The following CRACDL variants were observed in gnomAD, a reference collection of about 807,000 sequenced individuals.
CRACDL encodes the protein CRACD like, also known as CRACD-like protein.
A neutral mutation model predicts 70.6 loss-of-function variants in CRACDL; 26 were observed. The observed-to-expected ratio is 0.37, with a 90% CI of 0.27 to 0.51. CRACDL has a LOEUF of 0.51. Among genes scored for constraint, CRACDL ranks in the 20% least tolerant of loss-of-function variants. CRACDL has a pLI of 0.94. For synonymous variants in CRACDL, 618 were observed against 615.2 expected (o/e 1.00, Z -0.07); for missense variants, 1,283 against 1,376.9 (o/e 0.93, Z 1.08).
At chr2:98,853,666 A>G (rs1462478074) in intron 1 of CRACDL, among the ~76,000 whole-genome samples, 2 of 152,192 alleles carry the variant, frequency 1.3e-5, no homozygotes, top group Non-Finnish European at 2.9e-5. Flanking sequence ...ATTTAAATGC[A>G]TATAACAACT....
intron 1 of CRACDL, among the ~76,000 whole-genome samples, chr2:98,909,379 TAAG>T (rs1266337257): frequency 6.6e-6 from 1 of 152,206 alleles, no homozygotes; most frequent in Non-Finnish European, 1.5e-5. Context: ...CTGTAACTTA[TAAG>T]AAGGGGTGAG....
At chr2:98,912,959 C>T (rs1190859742) in intron 1 of CRACDL, 1 of 152,240 alleles carries the variant, frequency 6.6e-6, no homozygotes, top group Non-Finnish European at 1.5e-5. Context: ...GCCATATACT[C>T]ATAGCACACA....
intron 1 of CRACDL, among the ~76,000 whole-genome samples, chr2:98,922,355 G>A (rs1553404531): frequency 1.3e-5 from 2 of 149,216 alleles, no homozygotes; most frequent in Non-Finnish European, 3.0e-5. Flanking sequence ...CAGGGGAATC[G>A]CTTGAACCCA....
At chr2:98,904,240 A>G (rs1370701845) in intron 1 of CRACDL, among the ~76,000 whole-genome samples, 1 of 152,036 alleles carries the variant, frequency 6.6e-6, no homozygotes, top group East Asian at 1.9e-4. Context: ...ACTTAGGTAC[A>G]CCCTCATTGT....
intron 1 of CRACDL, among the ~76,000 whole-genome samples, chr2:98,922,278 C>T (rs572224888): frequency 2.0e-5 from 3 of 151,590 alleles, no homozygotes. Context: ...TACTAAAATA[C>T]AAAATACACC....
In CRACDL at chr2:98,889,323, G is replaced by GAAAGAAAGAAAGAAA. The variant is rs1558624624; in HGVS notation, c.-10-42528_-10-42514dup. Among the ~76,000 whole-genome samples, 3 of 89,356 alleles carry GAAAGAAAGAAAGAAA rather than the reference G, an allele frequency of 3.4e-5. 1 individual carries two copies. Among genetic ancestry groups the GAAAGAAAGAAAGAAA allele is most frequent in the Non-Finnish European group, 6.7e-5 (3 of 44,830 alleles). The allele number at this position is 89,356 out of a possible 152,430, so 58.6% of individuals were successfully genotyped here. On this transcript the variant is annotated intron_variant, in intron 1 of 9. Transcript: ENST00000397899. ...AGAAAGAAAGAAAGAAAGAAAGAAA[G>GAAAGAAAGAAAGAAA]AAAGAAAGAAAGAAAGAAAGGAAAC...
At chr2:98,895,826 G>A (rs188230727) in intron 1 of CRACDL, among the ~76,000 whole-genome samples, 1 of 152,108 alleles carries the variant, frequency 6.6e-6, no homozygotes, top group Non-Finnish European at 1.5e-5. Context: ...GCTTTAGGTG[G>A]TGGAGGCTCT....
At position 98,798,443 on chromosome 2, in the gene CRACDL, CAAAAAAAAAAAA is replaced by C. The variant is rs70940125; in HGVS notation, c.2417-918_2417-907del. Among the ~76,000 whole-genome samples, 20 of 44,356 alleles carry C rather than the reference CAAAAAAAAAAAA, an allele frequency of 4.5e-4. No homozygotes were observed. In the South Asian group the frequency reaches 8.3e-3, roughly 18 times the overall value. The allele number at this position is 44,356 out of a possible 152,430, so 29.1% of individuals were successfully genotyped here. On this transcript the variant is annotated intron_variant, in intron 7 of 9. Transcript: ENST00000397899. ...TGGGCGACAGAGCGAGACTCCGTCT[CAAAAAAAAAAAA>C]AAAAAAAAAAAAAAAAAAAGAGTGA...
At position 98,823,144 on chromosome 2, in the gene CRACDL, G is replaced by A. The variant is rs768881020; in HGVS notation, c.1129C>T (p.Pro377Ser). The A allele has an allele frequency of 1.9e-6, 3 of 1,558,686 alleles. No individual in the cohort carries two copies. Among genetic ancestry groups the A allele is most frequent in the Non-Finnish European group, 2.6e-6 (3 of 1,156,076 alleles). Residue 377 changes from proline to serine, a missense_variant, in exon 7 of 10, where the codon CCC becomes TCC. Around this residue, in one of 2 missense-constraint regions of CRACDL, gnomAD observed 921 missense variants for 881.9 expected, o/e 1.04. Coordinates refer to ENST00000397899, the MANE Select transcript of CRACDL (RefSeq NM_207362.3). The surrounding 1 kb of genome is among the most constrained non-coding windows in gnomAD (Gnocchi z 4.0). ...GTGGCCGGGGCACACGGGCCTGCGGGGGGCGCCTCCCCATCCTGCTTTCCG... is the reference window on the plus strand; with the variant it reads ...GTGGCCGGGGCACACGGGCCTGCGGAGGGCGCCTCCCCATCCTGCTTTCCG... ...DGGKQDGEAP[P>S]AGPCAPATDK... is the part of the protein sequence containing the mutation.
intron 1 of CRACDL, among the ~76,000 whole-genome samples, chr2:98,900,784 G>A (rs762415673): frequency 2.6e-5 from 4 of 152,132 alleles, no homozygotes; most frequent in Middle Eastern, 3.2e-3. Context: ...TGAAAATGAC[G>A]CAAGGGCCCA....
rs144185398 is a variant in CRACDL at position 98,802,273 on chromosome 2, C to A, written c.2417-4736G>T. On this transcript the variant is annotated intron_variant, in intron 7 of 9. Coordinates refer to ENST00000397899, the MANE Select transcript of CRACDL (RefSeq NM_207362.3). ...CACACCAGTGTGCACCGCAGTCCCG[C>A]TATCCACGGCGGCGCTCTCTCCTCC... is the stretch of plus-strand genomic sequence containing the variant. 2.6e-5 allele frequency among the ~76,000 whole-genome samples: 4 copies of A among 152,396 alleles called. No individual in the cohort carries two copies. In the East Asian group the frequency reaches 7.7e-4, roughly 29 times the overall value.
At position 98,795,077 on chromosome 2, in the gene CRACDL, A is replaced by ATATTTTTTTTTTTTTTTTTTTTT; in HGVS notation, c.2750-407_2750-406insAAAAAAAAAAAAAAAAAAAAATA. On this transcript the variant is annotated intron_variant, in intron 9 of 9. Transcript: ENST00000397899. ...TATATATATATATATATATATATAT[A>ATATTTTTTTTTTTTTTTTTTTTT]TTTTTTTTTTTTTTTGAGACAGAAG... Among the ~76,000 whole-genome samples, 4 of 58,496 alleles carry ATATTTTTTTTTTTTTTTTTTTTT rather than the reference A, an allele frequency of 6.8e-5. 1 individual carries two copies. The South Asian group carries it at 2.9e-3, about 43-fold the overall frequency. 38.4% of individuals were successfully genotyped at this position (58,496 alleles called of 152,430 possible).
chr2:98,909,915 C>T (rs758560155), intron 1 of CRACDL, among the ~76,000 whole-genome samples: 10 of 152,122 alleles, frequency 6.6e-5, no homozygotes, highest in East Asian at 1.9e-4. Flanking sequence ...GGGCTTGGGC[C>T]GCTTTCAAAA....
At chr2:98,906,264 T>G (rs1287339380) in intron 1 of CRACDL, among the ~76,000 whole-genome samples, 1 of 150,610 alleles carries the variant, frequency 6.6e-6, no homozygotes, top group East Asian at 1.9e-4. Context: ...CTTTTCCTTT[T>G]TTTTTTTTTT....
intron 1 of CRACDL, among the ~76,000 whole-genome samples, chr2:98,867,822 C>G (rs539021906): frequency 1.3e-5 from 2 of 152,196 alleles, no homozygotes; most frequent in African/African-American, 4.8e-5. Flanking sequence ...TTATTTTTAA[C>G]TTCATGAGTT....
chr2:98,865,103 C>T lies in CRACDL; in HGVS notation c.-10-18293G>A, dbSNP rs1328106889. 3.3e-5 allele frequency among the ~76,000 whole-genome samples: 5 copies of T among 152,128 alleles called. 1 individual carries two copies. In the East Asian group the frequency reaches 9.7e-4, roughly 29 times the overall value. The stretch of plus-strand genomic sequence containing the variant: ...CAACAAGAGGAGGTGGTGGGCTGGA[C>T]TCCAACCCAAGCCCTGTGCACACCA... On this transcript the variant is annotated intron_variant, in intron 1 of 9. Coordinates refer to ENST00000397899, the MANE Select transcript of CRACDL (RefSeq NM_207362.3).
intron 1 of CRACDL, among the ~76,000 whole-genome samples, chr2:98,881,927 C>G (rs1326217857): frequency 6.6e-6 from 1 of 152,198 alleles, no homozygotes; most frequent in African/African-American, 2.4e-5. Flanking sequence ...CTCAGAAGGC[C>G]TGGACAACTG....
In CRACDL at chr2:98,920,637, A is replaced by G. The variant is rs376075269; in HGVS notation, c.-11+15301T>C. Among the ~76,000 whole-genome samples, 16 of 152,046 alleles carry G rather than the reference A, an allele frequency of 1.1e-4. No homozygotes were observed. The East Asian group carries it at 1.9e-3, about 18-fold the overall frequency. ...ACCGGACCCCTCTCCCAGCTGGAAA[A>G]GCCTCCCCATACTTCCCTGCCTGTG... On this transcript the variant is annotated intron_variant, in intron 1 of 9. Coordinates refer to ENST00000397899, the MANE Select transcript of CRACDL (RefSeq NM_207362.3).
intron 2 of CRACDL, among the ~76,000 whole-genome samples, chr2:98,844,468 T>C (rs1015778807): frequency 6.6e-6 from 1 of 152,210 alleles, no homozygotes; most frequent in African/African-American, 2.4e-5. Context: ...TCTGTGGCCA[T>C]AGTTCCCCTT....
Sources: gnomAD v4.1 joint callset for allele counts (sites outside exome capture counted in the v4.1 genomes callset) on GRCh38, gnomAD v4.1.1 for gene constraint, gnomAD v4.1.1 regional missense constraint, Gnocchi (gnomAD v3.1) non-coding constraint, MANE v1.5 for transcripts, NCBI Gene and HGNC (gene_info 2026-07-23, HGNC 2026-07-21) for gene names.